NOX3: variants seen among roughly 807,000 people sequenced by gnomAD.
NOX3 encodes NADPH oxidase 3, also known as NADPH oxidase catalytic subunit-like 3.
In NOX3, 74 loss-of-function variants were observed where a neutral mutation model predicts 76.7. The ratio of observed to expected loss-of-function variants is 0.96; its 90% CI spans 0.80 to 1.17. The LOEUF (loss-of-function observed/expected upper bound fraction) is 1.17. Ranked by LOEUF, NOX3 falls within the 50% of genes most tolerant of loss-of-function variation. NOX3 has a pLI of 0.00. For missense variants in NOX3, 695 were observed against 703.3 expected (o/e 0.99, Z 0.13); for synonymous variants, 263 against 261.1 (o/e 1.01, Z -0.07).
intron 12 of NOX3, among the ~76,000 whole-genome samples, chr6:155,397,512 G>A (rs1779155329): frequency 6.6e-6 from 1 of 152,180 alleles, no homozygotes; most frequent in Non-Finnish European, 1.5e-5. Context: ...CTGGAACAGT[G>A]CCTGGCATAC....
At chr6:155,414,725 T>C (rs1776602761) in intron 10 of NOX3, among the ~76,000 whole-genome samples, 1 of 150,540 alleles carries the variant, frequency 6.6e-6, no homozygotes, top group Non-Finnish European at 1.5e-5. Flanking sequence ...CCTCCCGGGT[T>C]CAAGTGATTC....
chr6:155,422,072 T>A (rs1253205484), intron 10 of NOX3, among the ~76,000 whole-genome samples: 1 of 152,136 alleles, frequency 6.6e-6, no homozygotes, highest in East Asian at 1.9e-4. Context: ...TCATACGGCT[T>A]TGGGTTATCA....
At position 155,409,002 on chromosome 6, in the gene NOX3, A is replaced by T. The variant is rs1776505035; in HGVS notation, c.1456-1748T>A. Among the ~76,000 whole-genome samples the T allele has an allele frequency of 2.0e-5, 3 of 152,162 alleles. No homozygotes were observed. In the South Asian group the frequency reaches 6.2e-4, roughly 32 times the overall value. ...AGGGTTGACAAAGAACCTACTGGGT[A>T]TGATATCCACTGTTTGGGTAATGGG... On this transcript the variant is annotated intron_variant, in intron 11 of 13. Coordinates refer to ENST00000159060, the MANE Select transcript of NOX3 (RefSeq NM_015718.3).
At chr6:155,431,668 G>A (rs926795522) in intron 7 of NOX3, among the ~76,000 whole-genome samples, 14 of 152,102 alleles carry the variant, frequency 9.2e-5, no homozygotes, top group Admixed American at 1.3e-4. Context: ...ACAACATAAG[G>A]TGTCTTCCTC....
chr6:155,429,165 T>A (rs1776799493), intron 8 of NOX3, 118 bp from the exon 9 acceptor site: 1 of 992,974 alleles, frequency 1.0e-6, no homozygotes, highest in Admixed American at 2.8e-5. Context: ...AATTTACATA[T>A]CCCATCTGCT....
At chr6:155,452,489 A>G (rs1404897286) in intron 4 of NOX3, among the ~76,000 whole-genome samples, 5 of 152,204 alleles carry the variant, frequency 3.3e-5, no homozygotes, top group Non-Finnish European at 7.3e-5. Flanking sequence ...AGGTTGGTTT[A>G]ATCCAGCGTT....
At chr6:155,404,804 A>G (rs566638071) in intron 12 of NOX3, among the ~76,000 whole-genome samples, 35 of 152,244 alleles carry the variant, frequency 2.3e-4, no homozygotes, top group African/African-American at 8.2e-4. Flanking sequence ...CTCACAGAGC[A>G]CAGGGCAGTT....
In NOX3 at chr6:155,416,415, C is replaced by T. The variant is rs532435906; in HGVS notation, c.1309-5055G>A. ...TTTATTTTGTTTTTGTTAAGGGAAT[C>T]CTGGATTAATACAATAGCAAATAAG... On this transcript the variant is annotated intron_variant, in intron 10 of 13. Transcript: ENST00000159060. 1.4e-4 allele frequency among the ~76,000 whole-genome samples: 22 copies of T among 152,192 alleles called. 1 individual carries two copies. In the South Asian group the frequency reaches 2.9e-3, roughly 20 times the overall value.
chr6:155,453,975 C>A (rs1777178742), intron 3 of NOX3, among the ~76,000 whole-genome samples: 1 of 152,118 alleles, frequency 6.6e-6, no homozygotes. Context: ...AAGCAAGTCA[C>A]ACAAAAGTTT....
chr6:155,442,134 G>A (rs1379705202), intron 5 of NOX3, among the ~76,000 whole-genome samples: 3 of 152,076 alleles, frequency 2.0e-5, no homozygotes, highest in Non-Finnish European at 4.4e-5. Flanking sequence ...CGTGGTGGCG[G>A]GTGCCTATAG....
At chr6:155,407,327 A>T (rs1024118823) in intron 11 of NOX3, 73 bp from the exon 12 acceptor site, 2 of 1,356,368 alleles carry the variant, frequency 1.5e-6, no homozygotes, top group African/African-American at 3.0e-5. Flanking sequence ...AGAATAAAGT[A>T]ATCATGTTCA....
chr6:155,435,121 A>G (rs1776884332), intron 7 of NOX3, among the ~76,000 whole-genome samples: 1 of 152,162 alleles, frequency 6.6e-6, no homozygotes, highest in Admixed American at 6.5e-5. Context: ...ATCAGGATCC[A>G]TTACAAATAA....
intron 10 of NOX3, 118 bp downstream of exon 10, chr6:155,422,576 A>T: frequency 1.1e-6 from 1 of 910,048 alleles, no homozygotes; most frequent in Non-Finnish European, 1.7e-6. Flanking sequence ...ATAGTTAAGG[A>T]TCCTTGAGTT....
chr6:155,405,549 C>A (rs1776439848), intron 12 of NOX3, among the ~76,000 whole-genome samples: 1 of 152,120 alleles, frequency 6.6e-6, no homozygotes. Flanking sequence ...TCCAAAATTC[C>A]ACGTGGATGT....
At chr6:155,449,903 G>A (rs953433246) in intron 4 of NOX3, among the ~76,000 whole-genome samples, 1 of 152,226 alleles carries the variant, frequency 6.6e-6, no homozygotes, top group Admixed American at 6.5e-5. Flanking sequence ...AGAAGAAAAT[G>A]TGAAAAGCAG....
At chr6:155,410,065 A>G (rs554397469) in intron 11 of NOX3, among the ~76,000 whole-genome samples, 3 of 152,150 alleles carry the variant, frequency 2.0e-5, no homozygotes, top group Non-Finnish European at 4.4e-5. Context: ...CAAAAATCCC[A>G]CTTGAATAAG....
Position 155,440,875 on chromosome 6 carries a change from G to A in NOX3, c.487-738C>T, listed in dbSNP as rs555123299. ...ATTTTTTTGAGAGGTCCCTTGGGGC[G>A]TTCCTAATAAAGCAGCTGCACACTC... is the stretch of plus-strand genomic sequence containing the variant. On this transcript the variant is annotated intron_variant, in intron 5 of 13. Transcript: ENST00000159060. Among the ~76,000 whole-genome samples, 349 of 152,194 alleles carry A rather than the reference G, an allele frequency of 2.3e-3. 1 individual carries two copies. Among genetic ancestry groups the A allele is most frequent in the Non-Finnish European group, 4.1e-3 (279 of 68,014 alleles).
intron 9 of NOX3, 116 bp downstream of exon 9, chr6:155,428,678 A>T: frequency 1.1e-6 from 1 of 951,060 alleles, no homozygotes; most frequent in Non-Finnish European, 1.4e-6. Flanking sequence ...ATTTAGACAC[A>T]GTCTCAAACT....
rs1358898623 is a variant in NOX3, at chr6:155,439,958, C to T, written c.666G>A (p.Thr222=). Residue 222 remains threonine, a splice_region_variant and synonymous_variant, in exon 6 of 14, where the codon ACG becomes ACA. Coordinates refer to ENST00000159060, the MANE Select transcript of NOX3 (RefSeq NM_015718.3). ...VFFLSLAIHG[T]GRIVRGQTQD... is the part of the protein sequence containing the mutation. The stretch of plus-strand genomic sequence containing the variant: ...AGAGGAGCGCAGTATGGACTTACCC[C>T]GTCCCATGGATGGCCAGGCTGAGAA... The T allele has an allele frequency of 7.4e-6, 12 of 1,613,096 alleles. No individual in the cohort carries two copies. Among genetic ancestry groups the T allele is most frequent in the South Asian group, 1.1e-5 (1 of 90,842 alleles).
Sources: gnomAD v4.1 joint callset for allele counts (sites outside exome capture counted in the v4.1 genomes callset) on GRCh38, gnomAD v4.1.1 for gene constraint, MANE v1.5 for transcripts, NCBI Gene and HGNC (gene_info 2026-07-23, HGNC 2026-07-21) for gene names.